STAP1: variants seen among roughly 807,000 people sequenced by gnomAD.
STAP1 encodes signal-transducing adaptor protein 1.
A neutral mutation model predicts 37.8 loss-of-function variants in STAP1; 30 were observed. The observed-to-expected ratio is 0.79, with a 90% CI of 0.59 to 1.08. The LOEUF is 1.08. Among genes scored for constraint, STAP1 ranks in the 50% least tolerant of loss-of-function variants. STAP1 has a pLI of 0.00. For missense variants in STAP1, 357 were observed against 349.4 expected (o/e 1.02, Z -0.17); for synonymous variants, 130 against 116.0 (o/e 1.12, Z -0.78).
Position 67,583,626 on chromosome 4 carries a change from C to G in STAP1, c.583C>G (p.Pro195Ala). 10 of 1,613,724 alleles carry G rather than the reference C, an allele frequency of 6.2e-6. No individual in the cohort carries two copies. The highest frequency in any genetic ancestry group is 1.3e-5 in the African/African-American group (1 of 74,966). ...KEATEMLQKN[P>A]SLGNMILRPG... ...GGCAACTGAGATGCTCCAGAAGAAC[C>G]CTTCTTTGGGAAATATGATCCTGAG... The change falls in exon 6 of 9, where the codon CCT becomes GCT. Residue 195 changes from proline to alanine, a missense_variant. Transcript: ENST00000265404.
In STAP1 at chr4:67,571,122, T is replaced by A. The variant is rs370473803; in HGVS notation, c.159T>A (p.Thr53=). The A allele has an allele frequency of 2.5e-6, 4 of 1,611,538 alleles. No individual in the cohort carries two copies. Among genetic ancestry groups the A allele is most frequent in the Non-Finnish European group, 3.4e-6 (4 of 1,177,920 alleles). The stretch of plus-strand genomic sequence containing the variant: ...ACTGGACAGAGTTGAGAGGAACTAC[T>A]CTTTTCTTTTATACCGACAAAAAGA... ...EHYWTELRGT[T]LFFYTDKKSI... The change falls in exon 2 of 9, where the codon ACT becomes ACA. Residue 53 remains threonine, a synonymous_variant. Coordinates refer to ENST00000265404, the MANE Select transcript of STAP1 (RefSeq NM_012108.4).
chr4:67,600,362 T>C (rs1055163833), intron 8 of STAP1, among the ~76,000 whole-genome samples: 5 of 152,162 alleles, frequency 3.3e-5, no homozygotes, highest in Non-Finnish European at 7.4e-5. Context: ...TGGTTGGAGA[T>C]GATGCTTGAT....
intron 6 of STAP1, among the ~76,000 whole-genome samples, chr4:67,587,615 A>G (rs1259304932): frequency 6.6e-6 from 1 of 152,244 alleles, no homozygotes; most frequent in Non-Finnish European, 1.5e-5. Flanking sequence ...CTAAGGAAGC[A>G]GTAGGAAATA....
At chr4:67,578,487 C>T (rs1049279303) in intron 4 of STAP1, among the ~76,000 whole-genome samples, 4 of 151,914 alleles carry the variant, frequency 2.6e-5, no homozygotes, top group East Asian at 1.9e-4. Flanking sequence ...GCTAGAAAAG[C>T]GGACCAGTTA....
At chr4:67,601,209 CTT>C (rs1728335238) in intron 8 of STAP1, among the ~76,000 whole-genome samples, 2 of 152,114 alleles carry the variant, frequency 1.3e-5, no homozygotes, top group African/African-American at 4.8e-5. Flanking sequence ...CTGATGACAA[CTT>C]AACGTTGACT....
chr4:67,580,704 G>A (rs562772072), intron 4 of STAP1, among the ~76,000 whole-genome samples: 31 of 152,302 alleles, frequency 2.0e-4, no homozygotes, highest in Non-Finnish European at 3.8e-4. Context: ...ATATATAGGT[G>A]AGTCAATCTG....
intron 5 of STAP1, among the ~76,000 whole-genome samples, chr4:67,582,093 A>G (rs932790888): frequency 6.6e-6 from 1 of 151,958 alleles, no homozygotes; most frequent in Non-Finnish European, 1.5e-5. Context: ...TCTGTTGCAT[A>G]CTCTATCTGT....
chr4:67,569,944 TG>T (rs1180639631), intron 1 of STAP1, among the ~76,000 whole-genome samples: 2 of 152,178 alleles, frequency 1.3e-5, no homozygotes, highest in Non-Finnish European at 2.9e-5. Flanking sequence ...TTGTTCAGGC[TG>T]GTCTGGAACT....
chr4:67,606,767 T>G lies in STAP1; in HGVS notation c.*410T>G, dbSNP rs1029250518. 6.5e-6 allele frequency: 1 copy of G among 154,568 alleles called. No individual in the cohort carries two copies. The highest frequency in any genetic ancestry group is 1.4e-5 in the Non-Finnish European group (1 of 69,758). The allele number at this position is 154,568 out of a possible 1,614,324, so 9.6% of individuals were successfully genotyped here. On this transcript the variant is annotated 3_prime_UTR_variant, in exon 9 of 9. Transcript: ENST00000265404. ...TTGCTGAAATCTGATTTGACCAATT[T>G]ATCAAATATGTCATTTTAATTACCT... is the stretch of plus-strand genomic sequence containing the variant.
At chr4:67,593,423 C>G in intron 8 of STAP1, 67 bp downstream of exon 8, 1 of 1,183,166 alleles carries the variant, frequency 8.5e-7, no homozygotes, top group Non-Finnish European at 1.2e-6. Context: ...CCCCAAAACT[C>G]TGCATATGAT....
chr4:67,588,248 C>T (rs1188135032), intron 6 of STAP1, among the ~76,000 whole-genome samples: 1 of 151,672 alleles, frequency 6.6e-6, no homozygotes, highest in Non-Finnish European at 1.5e-5. Context: ...TTTTTTTTCC[C>T]ACCTCTTTCT....
intron 8 of STAP1, among the ~76,000 whole-genome samples, chr4:67,603,657 G>A (rs576777194): frequency 3.9e-5 from 6 of 152,252 alleles, no homozygotes; most frequent in South Asian, 2.1e-4. Context: ...GGCCCAGGGC[G>A]TGTCTAGAAA....
intron 2 of STAP1, among the ~76,000 whole-genome samples, chr4:67,572,014 CAGTA>C (rs1727616364): frequency 6.6e-6 from 1 of 152,186 alleles, no homozygotes; most frequent in Admixed American, 6.5e-5. Flanking sequence ...TTCTATTGCA[CAGTA>C]AGTGAGAGAG....
rs1313493101 is a variant in STAP1, at chr4:67,562,283, A to G, written c.120+3354A>G. The stretch of plus-strand genomic sequence containing the variant: ...CTTGAATCTGGGAGGCGGAGGTTGC[A>G]GTGAGTCAAGATCGTGCCACTGCAC... On this transcript the variant is annotated intron_variant, in intron 1 of 8. Coordinates refer to ENST00000265404, the MANE Select transcript of STAP1 (RefSeq NM_012108.4). Among the ~76,000 whole-genome samples the G allele has an allele frequency of 2.6e-5, 4 of 151,710 alleles. No homozygotes were observed. The South Asian group carries it at 6.2e-4, about 24-fold the overall frequency.
At chr4:67,602,161 T>A (rs982629623) in intron 8 of STAP1, among the ~76,000 whole-genome samples, 1 of 152,056 alleles carries the variant, frequency 6.6e-6, no homozygotes, top group African/African-American at 2.4e-5. Flanking sequence ...AGAATGTCAA[T>A]TTTTCAGGTC....
intron 2 of STAP1, among the ~76,000 whole-genome samples, chr4:67,573,051 C>T (rs534342714): frequency 6.6e-6 from 1 of 152,266 alleles, no homozygotes; most frequent in Admixed American, 6.5e-5. Flanking sequence ...CAGAAGAAAG[C>T]ACTGGGATAG....
chr4:67,596,168 C>T (rs2109875206), intron 8 of STAP1, among the ~76,000 whole-genome samples: 1 of 152,206 alleles, frequency 6.6e-6, no homozygotes, highest in South Asian at 2.1e-4. Context: ...TTGCCCCATG[C>T]TGTTCTCCTG....
chr4:67,570,710 G>T (rs1217758713), intron 1 of STAP1, among the ~76,000 whole-genome samples: 2 of 150,804 alleles, frequency 1.3e-5, no homozygotes, highest in East Asian at 3.9e-4. Context: ...GAAAGAAAGA[G>T]AAAGGAAGGA....
At chr4:67,572,100 A>T (rs1457051578) in intron 2 of STAP1, among the ~76,000 whole-genome samples, 1 of 152,204 alleles carries the variant, frequency 6.6e-6, no homozygotes, top group Non-Finnish European at 1.5e-5. Flanking sequence ...TGGTCTCTTC[A>T]GACAGCCTGC....
Sources: gnomAD v4.1 joint callset for allele counts (sites outside exome capture counted in the v4.1 genomes callset) on GRCh38, gnomAD v4.1.1 for gene constraint, MANE v1.5 for transcripts, NCBI Gene and HGNC (gene_info 2026-07-23, HGNC 2026-07-21) for gene names.